Variants in LRRC37A observed in about 807,000 individuals in gnomAD.
LRRC37A encodes leucine-rich repeat-containing protein 37A.
In LRRC37A, 3 loss-of-function variants were observed where a neutral mutation model predicts 35.4. The observed-to-expected ratio is 0.08, with a 90% CI of 0.04 to 0.22. LRRC37A has a LOEUF of 0.22. Ranked by LOEUF, LRRC37A falls within the 10% of genes least tolerant of loss-of-function variation. The pLI, the probability that LRRC37A is intolerant of heterozygous loss-of-function variation, is 1.00. For synonymous variants in LRRC37A, 23 were observed against 215.0 expected (o/e 0.11, Z 7.81); for missense variants, 67 against 565.3 (o/e 0.12, Z 8.94).
chr17:46,290,688 C>G (rs574013571), upstream of LRRC37A, among the ~76,000 whole-genome samples: 99 of 152,332 alleles, frequency 6.5e-4, 1 homozygote, highest in African/African-American at 2.3e-3. Flanking sequence ...CTCAAGTGAT[C>G]GTTTCACCTC....
At chr17:46,332,434 A>C in intron 9 of LRRC37A, 118 bp from the exon 10 acceptor site, 4 of 430,202 alleles carry the variant, frequency 9.3e-6, no homozygotes, top group South Asian at 2.1e-5. Context: ...CCTGGGTGAC[A>C]GAGTGAGACC....
the LRRC37A span, among the ~76,000 whole-genome samples, chr17:46,263,854 CAAA>C: frequency 9.4e-5 from 9 of 96,244 alleles, no homozygotes; most frequent in African/African-American, 2.5e-4. Flanking sequence ...GACTCTGTCT[CAAA>C]AAAAAAAAAA....
chr17:46,258,079 A>G, the LRRC37A span, among the ~76,000 whole-genome samples: 3 of 152,326 alleles, frequency 2.0e-5, no homozygotes, highest in South Asian at 6.2e-4. Context: ...TGAAGACTTC[A>G]TTGGCTTACT....
the LRRC37A span, chr17:46,260,473 C>T: frequency 6.3e-7 from 1 of 1,588,014 alleles, no homozygotes; most frequent in East Asian, 2.3e-5. Context: ...GGCTGCCCAC[C>T]CAGCCTGGGG....
the LRRC37A span, chr17:46,260,457 G>C: frequency 3.2e-6 from 5 of 1,572,576 alleles, no homozygotes; most frequent in African/African-American, 6.8e-5. Context: ...GACCCAGCCG[G>C]CGGCGGGCTG....
chr17:46,253,218 T>C, the LRRC37A span, among the ~76,000 whole-genome samples: 2 of 124,490 alleles, frequency 1.6e-5, no homozygotes, highest in Admixed American at 8.3e-5. Flanking sequence ...GCTCCCCACA[T>C]CTCAGACGAT....
the LRRC37A span, among the ~76,000 whole-genome samples, chr17:46,279,214 C>T: frequency 8.0e-3 from 1,118 of 140,086 alleles, 3 homozygotes; most frequent in Middle Eastern, 0.025. Flanking sequence ...GACAGAGTCT[C>T]GCTCTGTCGC....
chr17:46,285,681 G>A, the LRRC37A span, among the ~76,000 whole-genome samples: 1 of 152,228 alleles, frequency 6.6e-6, no homozygotes, highest in Non-Finnish European at 1.5e-5. Context: ...TGTTAGATAA[G>A]CTGAGGTGGT....
chr17:46,285,343 C>G, the LRRC37A span, among the ~76,000 whole-genome samples: 3 of 151,226 alleles, frequency 2.0e-5, no homozygotes. Context: ...TGTGTTCAAG[C>G]GATTCTCCTG....
At chr17:46,255,926 C>T in the LRRC37A span, among the ~76,000 whole-genome samples, 13 of 152,058 alleles carry the variant, frequency 8.5e-5, no homozygotes, top group Non-Finnish European at 1.6e-4. Flanking sequence ...CTGCCTGCCT[C>T]AGCCTCCCAA....
At chr17:46,277,907 G>A in the LRRC37A span, among the ~76,000 whole-genome samples, 1 of 151,990 alleles carries the variant, frequency 6.6e-6, no homozygotes, top group Non-Finnish European at 1.5e-5. Flanking sequence ...TCCCAAAAGT[G>A]CTAGGATTAC....
chr17:46,260,421 G>T, the LRRC37A span: 2 of 1,545,334 alleles, frequency 1.3e-6, no homozygotes, highest in East Asian at 4.9e-5. Context: ...TACACTTCCT[G>T]AGGCAGCCGC....
the LRRC37A span, among the ~76,000 whole-genome samples, chr17:46,249,188 A>G: frequency 6.6e-6 from 1 of 152,072 alleles, no homozygotes; most frequent in Non-Finnish European, 1.5e-5. Context: ...ACTCCTTTTT[A>G]TTGCTCAGTA....
At chr17:46,288,458 GCCA>G (rs2049978498), upstream of LRRC37A, among the ~76,000 whole-genome samples, 1 of 151,284 alleles carries the variant, frequency 6.6e-6, no homozygotes, top group South Asian at 2.1e-4. Context: ...ACAGGTGTGT[GCCA>G]CCACATCTGG....
At chr17:46,288,444 G>A (rs2049978242), upstream of LRRC37A, among the ~76,000 whole-genome samples, 1 of 151,786 alleles carries the variant, frequency 6.6e-6, no homozygotes, top group Admixed American at 6.6e-5. Flanking sequence ...AAGTAGCTGG[G>A]ATTACAGGTG....
chr17:46,291,044 T>A (rs1449703932), upstream of LRRC37A, among the ~76,000 whole-genome samples: 2 of 152,254 alleles, frequency 1.3e-5, no homozygotes, highest in Non-Finnish European at 2.9e-5. Flanking sequence ...TCTGCTTCTC[T>A]GTCTATAGAC....
chr17:46,315,475 C>T (rs2051037727), intron 5 of LRRC37A, among the ~76,000 whole-genome samples: 2 of 126,098 alleles, frequency 1.6e-5, no homozygotes, highest in African/African-American at 6.0e-5. Flanking sequence ...TGCAGTGAGC[C>T]ATGATTGTTC....
the LRRC37A span, among the ~76,000 whole-genome samples, chr17:46,258,714 T>C: frequency 1.1e-4 from 15 of 139,210 alleles, no homozygotes; most frequent in Non-Finnish European, 1.9e-4. Flanking sequence ...ATTCTTTTTT[T>C]TTTTTTTTTT....
At chr17:46,288,696 C>CTTTTTT (rs2049984588), upstream of LRRC37A, among the ~76,000 whole-genome samples, 1 of 148,008 alleles carries the variant, frequency 6.8e-6, no homozygotes, top group Non-Finnish European at 1.5e-5. Context: ...TTTACTGCAT[C>CTTTTTT]TTGTTTTTTC....
Sources: allele counts gnomAD v4.1 joint callset (sites outside exome capture counted in the v4.1 genomes callset), GRCh38; gene constraint gnomAD v4.1.1; transcripts MANE v1.5; gene names NCBI Gene and HGNC (gene_info 2026-07-23, HGNC 2026-07-21).